BSN: variants seen among roughly 807,000 people sequenced by gnomAD.
BSN encodes protein bassoon.
BSN carries 57 observed loss-of-function variants against 264.8 expected under a neutral mutation model. The ratio of observed to expected loss-of-function variants is 0.22; its 90% CI spans 0.17 to 0.27. BSN has a LOEUF of 0.27. Among genes scored for constraint, BSN ranks in the 10% least tolerant of loss-of-function variants. BSN has a pLI of 1.00. For missense variants in BSN, 4,615 were observed against 5,232.5 expected (o/e 0.88, Z 3.64); for synonymous variants, 2,059 against 2,137.3 (o/e 0.96, Z 1.01).
At chr3:49,673,035 T>C (rs2052834823), downstream of BSN, among the ~76,000 whole-genome samples, 2 of 141,438 alleles carry the variant, frequency 1.4e-5, no homozygotes, top group African/African-American at 2.6e-5. Flanking sequence ...CGCCTCGGCC[T>C]TCCAAAGTGC....
At chr3:49,559,615 G>C (rs1415164853) in intron 1 of BSN, among the ~76,000 whole-genome samples, 1 of 152,094 alleles carries the variant, frequency 6.6e-6, no homozygotes. Flanking sequence ...TCTAAACAGG[G>C]TCTACACATT....
rs903078174 is a variant in BSN, at chr3:49,664,496, C to T, written c.11682C>T (p.Ser3894=). The T allele has an allele frequency of 6.2e-6, 10 of 1,612,656 alleles. No individual in the cohort carries two copies. The highest frequency in any genetic ancestry group is 2.2e-5 in the South Asian group (2 of 91,006). ...PAGQPGADGE[S]VFSKILPGGA... The stretch of plus-strand genomic sequence containing the variant: ...GCCAGCCAGGTGCCGATGGGGAGAG[C>T]GTGTTCTCCAAGATCCTCCCTGGCG... The change falls in exon 9 of 12, where the codon AGC becomes AGT. Residue 3894 remains serine (S), a synonymous_variant. Transcript: ENST00000296452.
intron 1 of BSN, among the ~76,000 whole-genome samples, 166 bp downstream of exon 1, chr3:49,554,992 C>T (rs1007727685): frequency 1.9e-4 from 29 of 152,212 alleles, no homozygotes; most frequent in African/African-American, 6.5e-4. Flanking sequence ...GCGGCCCTTC[C>T]TTTCCAGCTG....
chr3:49,637,605 G>T (rs543038449), intron 2 of BSN, among the ~76,000 whole-genome samples: 48 of 152,320 alleles, frequency 3.2e-4, no homozygotes, highest in African/African-American at 1.1e-3. Flanking sequence ...TGCCACCTTA[G>T]CTGCCCTTCT....
intron 3 of BSN, among the ~76,000 whole-genome samples, chr3:49,643,508 C>T (rs1434307289): frequency 3.9e-5 from 6 of 152,206 alleles, no homozygotes; most frequent in Admixed American, 3.9e-4. Flanking sequence ...TGAGGTCCCA[C>T]ACTGCCATGG....
At chr3:49,557,195 C>T (rs1355326065) in intron 1 of BSN, among the ~76,000 whole-genome samples, 1 of 152,150 alleles carries the variant, frequency 6.6e-6, no homozygotes, top group African/African-American at 2.4e-5. Context: ...GGGCTCTCTG[C>T]TTCTGGTGTC....
chr3:49,588,225 A>G (rs570872939), intron 1 of BSN, among the ~76,000 whole-genome samples: 2 of 151,804 alleles, frequency 1.3e-5, no homozygotes, highest in East Asian at 3.9e-4. Flanking sequence ...CCCGGCCGGG[A>G]TTTTCCTTTT....
chr3:49,627,845 G>A (rs904531277), intron 2 of BSN, among the ~76,000 whole-genome samples: 1 of 152,170 alleles, frequency 6.6e-6, no homozygotes, highest in African/African-American at 2.4e-5. Context: ...AATCAGAGTA[G>A]AAAAAGGTAG....
At position 49,663,308 on chromosome 3, in the gene BSN, A is replaced by G. The variant is rs774211213; in HGVS notation, c.11150A>G (p.His3717Arg). 7 of 1,614,014 alleles carry G rather than the reference A, an allele frequency of 4.3e-6. No homozygotes were observed. Among genetic ancestry groups the G allele is most frequent in the South Asian group, 3.3e-5 (3 of 91,082 alleles). Residue 3717 changes from histidine to arginine, a missense_variant, in exon 7 of 12, where the codon CAT becomes CGT. Transcript: ENST00000296452. ...TCCCGTGCTTCATCCGCATACCATC[A>G]TGCCTCTGACAGCAAGAAGGGCTCC... ...QPSRASSAYH[H>R]ASDSKKGSRQ...
chr3:49,564,226 C>G (rs2051735982), intron 1 of BSN, among the ~76,000 whole-genome samples: 3 of 152,130 alleles, frequency 2.0e-5, no homozygotes, highest in African/African-American at 4.8e-5. Context: ...CGGGGCCTTC[C>G]CTCTCACAGC....
At position 49,652,986 on chromosome 3, in the gene BSN, A is replaced by G. The variant is rs2052557408; in HGVS notation, c.3430A>G (p.Ser1144Gly). The G allele has an allele frequency of 6.2e-7, 1 of 1,613,062 alleles. No homozygotes were observed. Among genetic ancestry groups the G allele is most frequent in the African/African-American group, 1.3e-5 (1 of 74,898 alleles). The change falls in exon 5 of 12, where the codon AGC becomes GGC. Residue 1144 changes from serine (S) to glycine (G), a missense_variant. By Grantham distance (56) the Ser-to-Gly change is moderately conservative (BLOSUM62 0). Coordinates refer to ENST00000296452, the MANE Select transcript of BSN (RefSeq NM_003458.4). ...SEAEALDGGP[S>G]RLYKSGSEYN... ...GGCTGAGGCCTTGGATGGTGGCCCT[A>G]GCCGGCTTTACAAGTCAGGCAGTGA...
At chr3:49,564,481 A>G (rs754751821) in intron 1 of BSN, among the ~76,000 whole-genome samples, 1 of 152,214 alleles carries the variant, frequency 6.6e-6, no homozygotes, top group Non-Finnish European at 1.5e-5. Flanking sequence ...AACTGGGGGT[A>G]ATAACTAAGG....
chr3:49,593,452 G>T (rs1459590708), intron 1 of BSN, among the ~76,000 whole-genome samples: 1 of 152,162 alleles, frequency 6.6e-6, no homozygotes, highest in Non-Finnish European at 1.5e-5. Context: ...GTAGTTGCAT[G>T]CTTAGTTTTT....
intron 1 of BSN, among the ~76,000 whole-genome samples, chr3:49,578,069 T>C (rs1264852769): frequency 2.0e-5 from 3 of 152,224 alleles, no homozygotes; most frequent in African/African-American, 7.2e-5. Flanking sequence ...ACATCACTTG[T>C]TATTTTCTAA....
rs71324983 is a variant in BSN, at chr3:49,642,792, C to A, written c.1158C>A (p.Ile386=). Residue 386 remains isoleucine, a synonymous_variant, in exon 3 of 12, where the codon ATC becomes ATA. Coordinates refer to ENST00000296452, the MANE Select transcript of BSN (RefSeq NM_003458.4). The surrounding 1 kb of genome is among the most constrained non-coding windows in gnomAD (Gnocchi z 7.0). ...CCCCCAGCAAGGGGACACCTAAGAT[C>A]GTCTTCAATGATGCCAGCAAGGAGG... ...QPAPSKGTPK[I]VFNDASKEAG... is the part of the protein sequence containing the mutation. 1.7e-5 allele frequency: 27 copies of A among 1,613,370 alleles called. No homozygotes were observed. The African/African-American group carries it at 3.5e-4, about 21-fold the overall frequency.
Position 49,655,045 on chromosome 3 carries a change from AGCCAGGCCCAGT to A in BSN, c.5495_5506del (p.Gly1832_Pro1835del). The A allele has an allele frequency of 6.2e-7, 1 of 1,613,126 alleles. No homozygotes were observed. The highest frequency in any genetic ancestry group is 8.5e-7 in the Non-Finnish European group (1 of 1,180,040). On this transcript the variant is annotated inframe_deletion, in exon 5 of 12. Transcript: ENST00000296452. ...GGCACCGCCCAGAGCATTGGCCTCAAGCCAGGCCCAGTGCCAGAGCCAGGTGCCGAGCCCCAC... is the reference window on the plus strand; with the variant it reads ...GGCACCGCCCAGAGCATTGGCCTCAAGCCAGAGCCAGGTGCCGAGCCCCAC...
chr3:49,580,647 T>C (rs917035188), intron 1 of BSN, among the ~76,000 whole-genome samples: 4 of 151,954 alleles, frequency 2.6e-5, no homozygotes, highest in Admixed American at 2.0e-4. Flanking sequence ...TTTGTAGATA[T>C]CAGGTTTTAC....
chr3:49,656,992 C>T lies in BSN; in HGVS notation c.7436C>T (p.Ala2479Val). 2 of 1,610,088 alleles carry T rather than the reference C, an allele frequency of 1.2e-6. No homozygotes were observed. The highest frequency in any genetic ancestry group is 1.7e-4 in the Middle Eastern group (1 of 6,054). ...CAGCGGCAGAAGGCTCCCTTTCCTGCAGCCTGTGAGGCACCTGGCCGAGGG... is the reference window on the plus strand; with the variant it reads ...CAGCGGCAGAAGGCTCCCTTTCCTGTAGCCTGTGAGGCACCTGGCCGAGGG... The part of the protein sequence containing the change: ...QKQRQKAPFP[A>V]ACEAPGRGPP... Residue 2479 changes from alanine to valine, a missense_variant, in exon 5 of 12, where the codon GCA (alanine) becomes GTA (valine). By Grantham distance (64) the Ala-to-Val change is moderately conservative. This residue lies in a region of BSN where 3,415 missense variants were observed against 3,866.4 expected (regional missense o/e 0.88). Transcript: ENST00000296452.
In BSN at chr3:49,656,896, A is replaced by G; in HGVS notation, c.7340A>G (p.Gln2447Arg). The G allele has an allele frequency of 6.2e-7, 1 of 1,600,738 alleles. No homozygotes were observed. The highest frequency in any genetic ancestry group is 8.5e-7 in the Non-Finnish European group (1 of 1,173,586). The change falls in exon 5 of 12, where the codon CAG becomes CGG. Residue 2447 changes from glutamine to arginine, a missense_variant. By Grantham distance (43) the Gln-to-Arg change is conservative. This residue lies in a region of BSN where 3,415 missense variants were observed against 3,866.4 expected (regional missense o/e 0.88). Transcript: ENST00000296452. ...QFALQREQLA[Q>R]QRLQLEQIQQ... Reference sequence around the variant, plus strand: ...GCACTGCAGCGGGAACAGCTAGCGCAGCAGCGTCTGCAGCTGGAGCAGATC... The same window carrying G: ...GCACTGCAGCGGGAACAGCTAGCGCGGCAGCGTCTGCAGCTGGAGCAGATC...
Sources: gnomAD v4.1 joint callset for allele counts (sites outside exome capture counted in the v4.1 genomes callset) on GRCh38, gnomAD v4.1.1 for gene constraint, gnomAD v4.1.1 regional missense constraint, Gnocchi (gnomAD v3.1) non-coding constraint, MANE v1.5 for transcripts, NCBI Gene and HGNC (gene_info 2026-07-23, HGNC 2026-07-21) for gene names.